LINGO2: variants seen among roughly 807,000 people sequenced by gnomAD.
LINGO2 encodes the protein leucine-rich repeat and immunoglobulin-like domain-containing nogo receptor-interacting protein 2.
LINGO2 carries 14 observed loss-of-function variants against 30.6 expected under a neutral mutation model. That is an observed-to-expected ratio of 0.46 (90% confidence interval 0.30 to 0.72). The LOEUF is 0.72. LINGO2 is among the 30% of genes least tolerant of loss of function. The pLI, the probability that LINGO2 is intolerant of heterozygous loss-of-function variation, is 0.07. For missense variants in LINGO2, 729 were observed against 751.7 expected (o/e 0.97, Z 0.35); for synonymous variants, 317 against 288.5 (o/e 1.10, Z -1.00).
At position 28,525,446 on chromosome 9, in the gene LINGO2, A is replaced by C. The variant is rs77878752; in HGVS notation, c.-364-49421T>G. 5.6e-3 allele frequency among the ~76,000 whole-genome samples: 855 copies of C among 152,356 alleles called. 60 individuals carry two copies. In the East Asian group the frequency reaches 0.13, roughly 24 times the overall value. The stretch of plus-strand genomic sequence containing the variant: ...ATTGTTTAATGTAATGAAAAACAAA[A>C]TATGGTATACCTATATAATGGAATA... On this transcript the variant is annotated intron_variant, in intron 1 of 5. Coordinates refer to ENST00000379992, the Ensembl canonical transcript of LINGO2.
the LINGO2 span, among the ~76,000 whole-genome samples, chr9:28,683,197 T>A: frequency 1.3e-5 from 2 of 152,184 alleles, no homozygotes; most frequent in African/African-American, 4.8e-5. Flanking sequence ...CCCTATTGTA[T>A]TGCTATTATT....
the LINGO2 span, among the ~76,000 whole-genome samples, chr9:28,900,830 T>G: frequency 6.6e-6 from 1 of 152,048 alleles, no homozygotes; most frequent in East Asian, 1.9e-4. Context: ...ATTCTAAAAG[T>G]GAAAATTTAT....
At chr9:28,722,697 A>G in the LINGO2 span, among the ~76,000 whole-genome samples, 2 of 152,142 alleles carry the variant, frequency 1.3e-5, no homozygotes, top group Non-Finnish European at 2.9e-5. Context: ...AAGGTCACTG[A>G]TATCAACCCT....
chr9:28,525,100 T>C (rs1211148005), intron 1 of LINGO2, among the ~76,000 whole-genome samples: 1 of 151,990 alleles, frequency 6.6e-6, no homozygotes, highest in Non-Finnish European at 1.5e-5. Flanking sequence ...AAAAAGGACA[T>C]GAAAAAATAC....
chr9:28,966,441 T>C, the LINGO2 span, among the ~76,000 whole-genome samples: 278 of 152,200 alleles, frequency 1.8e-3, 1 homozygote, highest in African/African-American at 6.3e-3. Context: ...AGGTAGGCAG[T>C]GGATATTTTT....
the LINGO2 span, among the ~76,000 whole-genome samples, chr9:28,858,579 A>T: frequency 6.6e-6 from 1 of 152,024 alleles, no homozygotes; most frequent in Non-Finnish European, 1.5e-5. Flanking sequence ...TGCGGGTTTC[A>T]TCCGGCTTGC....
the LINGO2 span, among the ~76,000 whole-genome samples, chr9:28,875,284 T>C: frequency 5.3e-5 from 8 of 152,110 alleles, no homozygotes; most frequent in Admixed American, 6.6e-5. Context: ...TCTCTTTTTC[T>C]CTCTTTCTGA....
chr9:28,671,073 A>G (rs568722442), upstream of LINGO2, among the ~76,000 whole-genome samples: 118 of 152,194 alleles, frequency 7.8e-4, 1 homozygote, highest in South Asian at 2.3e-3. Flanking sequence ...GCATATTGTC[A>G]CTTTCCCATG....
At chr9:29,175,621 G>C in the LINGO2 span, among the ~76,000 whole-genome samples, 1 of 150,528 alleles carries the variant, frequency 6.6e-6, no homozygotes, top group African/African-American at 2.4e-5. Context: ...CCACGTCCCG[G>C]GTTCAAGCGA....
the LINGO2 span, among the ~76,000 whole-genome samples, chr9:28,719,279 G>A: frequency 2.6e-5 from 4 of 151,868 alleles, no homozygotes; most frequent in African/African-American, 7.3e-5. Context: ...CGAACATGTT[G>A]AACACTCCCT....
At chr9:28,488,811 A>G (rs963999427) in intron 1 of LINGO2, among the ~76,000 whole-genome samples, 4 of 152,112 alleles carry the variant, frequency 2.6e-5, no homozygotes, top group Admixed American at 6.5e-5. Context: ...ATACTAAATC[A>G]CAGTTCAAAG....
At chr9:28,708,052 A>T in the LINGO2 span, among the ~76,000 whole-genome samples, 8 of 152,264 alleles carry the variant, frequency 5.3e-5, no homozygotes, top group South Asian at 1.7e-3. Context: ...AACTTCCTCT[A>T]TTTCAAGTAA....
chr9:28,942,465 G>A, the LINGO2 span, among the ~76,000 whole-genome samples: 1 of 152,154 alleles, frequency 6.6e-6, no homozygotes, highest in African/African-American at 2.4e-5. Context: ...ATGGCTGACT[G>A]CATGGGCCAT....
At chr9:29,035,550 A>T in the LINGO2 span, among the ~76,000 whole-genome samples, 1 of 128,664 alleles carries the variant, frequency 7.8e-6, no homozygotes, top group Non-Finnish European at 1.7e-5. Flanking sequence ...CTCAAGGTAC[A>T]TTCCTTCTTC....
intron 1 of LINGO2, among the ~76,000 whole-genome samples, chr9:28,612,126 A>C (rs1457095898): frequency 1.3e-5 from 2 of 152,106 alleles, no homozygotes. Flanking sequence ...CAATGGGGCA[A>C]TCATAGCTCA....
chr9:28,618,230 T>A (rs1262058629), intron 1 of LINGO2, among the ~76,000 whole-genome samples: 1 of 152,144 alleles, frequency 6.6e-6, no homozygotes, highest in Non-Finnish European at 1.5e-5. Context: ...CTTCCTTTAT[T>A]CTTCCCCATG....
At chr9:29,059,900 G>A in the LINGO2 span, among the ~76,000 whole-genome samples, 2 of 152,022 alleles carry the variant, frequency 1.3e-5, no homozygotes, top group African/African-American at 4.8e-5. Context: ...GAAAGATAAT[G>A]CTAAGTAAAT....
chr9:28,467,692 G>T (rs906531436), intron 2 of LINGO2, among the ~76,000 whole-genome samples: 7 of 151,830 alleles, frequency 4.6e-5, no homozygotes, highest in Admixed American at 4.6e-4. Context: ...AGTAAAAATT[G>T]GTTGATCCAC....
At chr9:29,147,459 T>A in the LINGO2 span, among the ~76,000 whole-genome samples, 1 of 152,136 alleles carries the variant, frequency 6.6e-6, no homozygotes, top group Non-Finnish European at 1.5e-5. Context: ...TGTTTCACTT[T>A]CACCAAGACT....
Sources: gnomAD v4.1 joint callset for allele counts (sites outside exome capture counted in the v4.1 genomes callset) on GRCh38, gnomAD v4.1.1 for gene constraint, MANE v1.5 for transcripts, NCBI Gene and HGNC (gene_info 2026-07-23, HGNC 2026-07-21) for gene names.